Variants in TENM3 observed in about 807,000 individuals in gnomAD.
TENM3 encodes the protein teneurin-3.
TENM3 carries 63 observed loss-of-function variants against 255.1 expected under a neutral mutation model. That is an observed-to-expected ratio of 0.25 (90% CI 0.20 to 0.30). TENM3 has a LOEUF of 0.30. Ranked by LOEUF, TENM3 falls within the 10% of genes least tolerant of loss-of-function variation. The pLI is 1.00. For missense variants in TENM3, 2,929 were observed against 3,461.1 expected, an observed-to-expected ratio of 0.85 and a Z score of 3.86; for synonymous variants, 1,306 against 1,322.3, an observed-to-expected ratio of 0.99 and a Z score of 0.27.
chr4:181,725,462 T>C, the TENM3 span, among the ~76,000 whole-genome samples: 1 of 150,438 alleles, frequency 6.6e-6, no homozygotes, highest in Non-Finnish European at 1.5e-5. Flanking sequence ...TTCTTGTTTG[T>C]TTGTTTTTTT....
At position 182,799,724 on chromosome 4, in the gene TENM3, G is replaced by C. The variant is rs529786665; in HGVS notation, c.7473G>C (p.Thr2491=). 1.3e-6 allele frequency: 2 copies of C among 1,554,262 alleles called. No homozygotes were observed. The highest frequency in any genetic ancestry group is 2.4e-5 in the South Asian group (2 of 84,192). ...GGAQSWLWFA[T]VKSLIGKGVM... ...CGCAGTCCTGGCTGTGGTTCGCCAC[G>C]GTCAAGTCGCTGATCGGCAAGGGCG... is the stretch of plus-strand genomic sequence containing the variant. The change falls in exon 28 of 28, where the codon ACG becomes ACC. Residue 2491 remains threonine (T), a synonymous_variant. Coordinates refer to ENST00000511685, the MANE Select transcript of TENM3 (RefSeq NM_001080477.4). This position sits in a 1 kb window ranked among gnomAD's most constrained non-coding sequence, Gnocchi z 4.2.
At chr4:181,947,578 C>A in the TENM3 span, among the ~76,000 whole-genome samples, 5 of 152,192 alleles carry the variant, frequency 3.3e-5, no homozygotes. Flanking sequence ...ATGTATTAAA[C>A]GTCTCATTGT....
intron 1 of TENM3, among the ~76,000 whole-genome samples, chr4:182,168,876 A>T (rs968232240): frequency 6.6e-6 from 1 of 152,198 alleles, no homozygotes. Flanking sequence ...TCTGAAAAAA[A>T]TTCATGTATA....
the TENM3 span, among the ~76,000 whole-genome samples, chr4:181,811,993 A>T: frequency 6.6e-6 from 1 of 152,226 alleles, no homozygotes; most frequent in Admixed American, 6.5e-5. Context: ...TTGCCTTTTG[A>T]TGATGGTTAA....
chr4:182,381,604 G>A (rs1767574958), intron 3 of TENM3, among the ~76,000 whole-genome samples: 1 of 134,812 alleles, frequency 7.4e-6, no homozygotes, highest in Non-Finnish European at 1.5e-5. Context: ...TGCCCAGGCT[G>A]GAGTGCAATG....
chr4:182,667,098 C>G (rs968065682), intron 6 of TENM3, among the ~76,000 whole-genome samples: 4 of 152,150 alleles, frequency 2.6e-5, no homozygotes, highest in African/African-American at 7.2e-5. Context: ...TTCATTAGCT[C>G]ATTTAATTTA....
chr4:182,021,382 A>G, the TENM3 span, among the ~76,000 whole-genome samples: 1 of 152,000 alleles, frequency 6.6e-6, no homozygotes, highest in Non-Finnish European at 1.5e-5. Context: ...TTCTGATCAC[A>G]TCACAGCCTC....
the TENM3 span, among the ~76,000 whole-genome samples, chr4:181,569,785 G>T: frequency 2.0e-4 from 30 of 152,254 alleles, no homozygotes; most frequent in African/African-American, 7.2e-4. Context: ...TTACAGAAAA[G>T]AACCAGGCTC....
chr4:181,524,552 T>A, the TENM3 span, among the ~76,000 whole-genome samples: 1 of 152,192 alleles, frequency 6.6e-6, no homozygotes, highest in Non-Finnish European at 1.5e-5. Flanking sequence ...ATCCAGAAGT[T>A]ATTCTTATCT....
At chr4:181,501,400 A>T in the TENM3 span, among the ~76,000 whole-genome samples, 2 of 148,088 alleles carry the variant, frequency 1.4e-5, no homozygotes, top group Admixed American at 1.3e-4. Context: ...TTTTTTTAAG[A>T]TGGAGTCTCG....
the TENM3 span, among the ~76,000 whole-genome samples, chr4:181,489,256 C>A: frequency 1.3e-5 from 2 of 152,288 alleles, no homozygotes; most frequent in Non-Finnish European, 2.9e-5. Flanking sequence ...GTATCACTTC[C>A]AATTTCCTTT....
the TENM3 span, among the ~76,000 whole-genome samples, chr4:181,625,115 C>A: frequency 1.3e-5 from 2 of 152,282 alleles, no homozygotes; most frequent in East Asian, 3.9e-4. Context: ...CGGAAATAGA[C>A]TTTTGATGGG....
At chr4:182,189,775 G>A (rs193231286) in intron 1 of TENM3, among the ~76,000 whole-genome samples, 3 of 152,286 alleles carry the variant, frequency 2.0e-5, no homozygotes, top group Admixed American at 2.0e-4. Flanking sequence ...GGCTGCATGA[G>A]TGTGCTCAGA....
the TENM3 span, among the ~76,000 whole-genome samples, chr4:181,449,626 A>C: frequency 6.6e-6 from 1 of 152,074 alleles, no homozygotes; most frequent in Non-Finnish European, 1.5e-5. Flanking sequence ...TCTACTAAAA[A>C]TACAAAAAAA....
intron 1 of TENM3, among the ~76,000 whole-genome samples, chr4:182,286,492 C>T (rs1760735582): frequency 6.6e-6 from 1 of 152,198 alleles, no homozygotes; most frequent in South Asian, 2.1e-4. Context: ...TGCATCTCCA[C>T]AACGCTGACG....
intron 3 of TENM3, among the ~76,000 whole-genome samples, chr4:182,364,407 G>GT (rs1028641832): frequency 1.3e-5 from 2 of 151,826 alleles, no homozygotes; most frequent in African/African-American, 2.4e-5. Context: ...GTTGTTTTTT[G>GT]TTTTTTGTTT....
At chr4:182,359,442 T>C (rs1181169707) in intron 3 of TENM3, among the ~76,000 whole-genome samples, 2 of 150,542 alleles carry the variant, frequency 1.3e-5, no homozygotes, top group Non-Finnish European at 3.0e-5. Context: ...CCTGGTTTAG[T>C]CTAGGGAGAG....
At chr4:181,645,750 G>C in the TENM3 span, among the ~76,000 whole-genome samples, 1 of 152,182 alleles carries the variant, frequency 6.6e-6, no homozygotes, top group Non-Finnish European at 1.5e-5. Flanking sequence ...TGAACTGGAA[G>C]ACTGGAAGAC....
the TENM3 span, among the ~76,000 whole-genome samples, chr4:181,670,410 C>T: frequency 2.0e-5 from 3 of 152,036 alleles, no homozygotes; most frequent in Admixed American, 6.6e-5. Flanking sequence ...CTCTTGGCCT[C>T]GAAATGATCT....
Sources: allele counts gnomAD v4.1 joint callset (sites outside exome capture counted in the v4.1 genomes callset), GRCh38; gene constraint gnomAD v4.1.1; non-coding constraint Gnocchi (gnomAD v3.1); transcripts MANE v1.5; gene names NCBI Gene and HGNC (gene_info 2026-07-23, HGNC 2026-07-21).